Variants in RBFOX1 observed in about 807,000 individuals in gnomAD.
RBFOX1 encodes the protein RNA binding protein fox-1 homolog 1.
Under a neutral mutation model 57.7 loss-of-function variants are expected in RBFOX1, and 8 were observed. That is an observed-to-expected ratio of 0.14 (90% CI 0.08 to 0.25). RBFOX1 has a LOEUF of 0.25. RBFOX1 is among the 10% of genes least tolerant of loss of function. The pLI is 1.00. For missense variants in RBFOX1, 611 were observed against 548.5 expected, an observed-to-expected ratio of 1.11 and a Z score of -1.14; for synonymous variants, 326 against 222.4, an observed-to-expected ratio of 1.47 and a Z score of -4.15.
intron 3 of RBFOX1, among the ~76,000 whole-genome samples, chr16:6,920,729 G>T (rs1036365122): frequency 1.1e-4 from 16 of 152,142 alleles, no homozygotes; most frequent in Non-Finnish European, 1.5e-4. Context: ...CATCACTCCA[G>T]TCTTTACTTC....
At position 5,745,450 on chromosome 16, in the gene RBFOX1, A is replaced by G. The variant is rs531216502; in HGVS notation, c.319-121853A>G. ...CAGCATGATTTACAATCCTTTCAGT[A>G]TATACCCAGTGATGGGATTGCTGGG... On this transcript the variant is annotated intron_variant, in intron 3 of 19. Coordinates refer to the RBFOX1 transcript ENST00000641259. Among the ~76,000 whole-genome samples the G allele has an allele frequency of 3.3e-5, 5 of 152,330 alleles. No individual in the cohort carries two copies. In the East Asian group the frequency reaches 7.7e-4, roughly 23 times the overall value.
intron 2 of RBFOX1, among the ~76,000 whole-genome samples, chr16:5,531,309 C>T (rs1464475635): frequency 2.6e-5 from 4 of 152,096 alleles, no homozygotes; most frequent in East Asian, 1.9e-4. Flanking sequence ...GGGTACTTCA[C>T]ATTGTTAAAT....
At chr16:7,138,571 C>T (rs1483718209) in intron 4 of RBFOX1, among the ~76,000 whole-genome samples, 1 of 152,146 alleles carries the variant, frequency 6.6e-6, no homozygotes, top group Non-Finnish European at 1.5e-5. Context: ...ATTTTATCCT[C>T]ATCCCCACTT....
At chr16:6,013,820 G>A (rs116996584) in intron 4 of RBFOX1, among the ~76,000 whole-genome samples, 2 of 151,968 alleles carry the variant, frequency 1.3e-5, no homozygotes, top group Non-Finnish European at 2.9e-5. Flanking sequence ...GTGCCGCATG[G>A]ATGAAGCTGG....
chr16:6,561,944 G>A lies in RBFOX1; in HGVS notation c.-63-92659G>A, dbSNP rs145623303. ...TCTGGCCTAGGTAAGTCAAGCTAAA[G>A]CTAACCACATTCACATCATCCACCT... On this transcript the variant is annotated intron_variant, in intron 2 of 15. Transcript: ENST00000550418. Among the ~76,000 whole-genome samples the A allele has an allele frequency of 2.6e-3, 399 of 152,244 alleles. 3 individuals carry two copies. Among genetic ancestry groups the A allele is most frequent in the African/African-American group, 9.2e-3 (384 of 41,560 alleles).
intron 3 of RBFOX1, among the ~76,000 whole-genome samples, chr16:5,735,938 T>A (rs573068227): frequency 6.6e-5 from 10 of 152,090 alleles, no homozygotes; most frequent in African/African-American, 2.4e-4. Context: ...TGACACATGT[T>A]CCCCAGATGG....
chr16:7,052,113 T>A lies in RBFOX1; in HGVS notation c.27+15T>A. ...AGCAGCTAAGGGTAGGTGCACCTGC[T>A]TGTAAAATGCTTCCTGATTCTCATT... On this transcript the variant is annotated intron_variant, in intron 4 of 15. Transcript: ENST00000550418. 6.3e-7 allele frequency: 1 copy of A among 1,593,130 alleles called. No homozygotes were observed. The highest frequency in any genetic ancestry group is 8.5e-7 in the Non-Finnish European group (1 of 1,174,208).
intron 2 of RBFOX1, among the ~76,000 whole-genome samples, chr16:6,494,034 T>G (rs980066365): frequency 1.3e-5 from 2 of 152,172 alleles, no homozygotes; most frequent in Non-Finnish European, 2.9e-5. Context: ...ATTCCTCATC[T>G]GCATTTAGGC....
At chr16:5,599,826 C>G (rs576664309) in exon 3 of RBFOX1, 1 of 152,994 alleles carries the variant, frequency 6.5e-6, no homozygotes, top group African/African-American at 2.4e-5. Flanking sequence ...TATGGTGAGA[C>G]ATTGTGATAG....
intron 2 of RBFOX1, among the ~76,000 whole-genome samples, chr16:5,486,969 G>A (rs79599658): frequency 3.3e-5 from 5 of 152,034 alleles, no homozygotes; most frequent in East Asian, 1.9e-4. Flanking sequence ...TGGAGACTCC[G>A]GTCCCCTGTA....
chr16:5,400,383 A>C (rs2066681454), intron 1 of RBFOX1, among the ~76,000 whole-genome samples: 1 of 152,056 alleles, frequency 6.6e-6, no homozygotes, highest in South Asian at 2.1e-4. Context: ...GTGAGCCACC[A>C]CACCCGGCCA....
chr16:6,593,581 C>T (rs2097745154), intron 2 of RBFOX1, among the ~76,000 whole-genome samples: 1 of 152,122 alleles, frequency 6.6e-6, no homozygotes, highest in Non-Finnish European at 1.5e-5. Context: ...TCATTTGTTG[C>T]TTCTCTTCAT....
intron 14 of RBFOX1, among the ~76,000 whole-genome samples, chr16:7,698,648 T>C (rs1222276569): frequency 6.6e-6 from 1 of 152,234 alleles, no homozygotes; most frequent in East Asian, 1.9e-4. Flanking sequence ...TTGTCTTTTC[T>C]GCATTTTAGT....
At chr16:6,085,364 G>A (rs182489253) in intron 1 of RBFOX1, among the ~76,000 whole-genome samples, 12 of 152,238 alleles carry the variant, frequency 7.9e-5, no homozygotes, top group African/African-American at 2.6e-4. Flanking sequence ...CCTCTGCCTA[G>A]CGGGTTCAAG....
chr16:6,932,577 C>G (rs956834608), intron 3 of RBFOX1, among the ~76,000 whole-genome samples: 4 of 152,110 alleles, frequency 2.6e-5, no homozygotes, highest in African/African-American at 9.7e-5. Context: ...GGCTGTAGGT[C>G]GTAGGCCTCA....
chr16:5,827,417 A>G (rs767366724), intron 3 of RBFOX1, among the ~76,000 whole-genome samples: 151 of 151,682 alleles, frequency 1.0e-3, no homozygotes, highest in Non-Finnish European at 1.9e-3. Context: ...AAAAAAAAAA[A>G]AAAAGAAAAG....
intron 3 of RBFOX1, among the ~76,000 whole-genome samples, chr16:5,861,255 G>A (rs77603152): frequency 6.6e-6 from 1 of 152,178 alleles, no homozygotes; most frequent in African/African-American, 2.4e-5. Context: ...TCTCCCCTTT[G>A]ATACACGGTT....
At chr16:5,417,646 G>A (rs940333687) in intron 1 of RBFOX1, among the ~76,000 whole-genome samples, 1 of 152,220 alleles carries the variant, frequency 6.6e-6, no homozygotes, top group African/African-American at 2.4e-5. Flanking sequence ...GCCCTTTTCA[G>A]GTTGGATCTG....
At chr16:6,116,966 C>T (rs2096502871) in intron 1 of RBFOX1, among the ~76,000 whole-genome samples, 2 of 152,128 alleles carry the variant, frequency 1.3e-5, no homozygotes, top group Admixed American at 1.3e-4. Flanking sequence ...TCTCCGTTGG[C>T]AGATACTAGA....
Sources: allele counts gnomAD v4.1 joint callset (sites outside exome capture counted in the v4.1 genomes callset), GRCh38; gene constraint gnomAD v4.1.1; transcripts MANE v1.5; gene names NCBI Gene and HGNC (gene_info 2026-07-23, HGNC 2026-07-21).